WNK1: variants seen among roughly 807,000 people sequenced by gnomAD.
WNK1 encodes the protein serine/threonine-protein kinase WNK1.
WNK1 carries 38 observed loss-of-function variants against 222.8 expected under a neutral mutation model. The ratio of observed to expected loss-of-function variants is 0.17; its 90% CI spans 0.13 to 0.22. WNK1 has a LOEUF of 0.22. Among genes scored for constraint, WNK1 ranks in the 10% least tolerant of loss-of-function variants. The probability of loss-of-function intolerance (pLI) is 1.00; values close to 1 mark genes in which losing one functional copy is unlikely to be tolerated. For synonymous variants in WNK1, 1,090 were observed against 1,092.9 expected (o/e 1.00, Z 0.05); for missense variants, 2,348 against 2,918.4 (o/e 0.80, Z 4.50).
At chr12:835,967 T>A (rs939903775) in intron 4 of WNK1, among the ~76,000 whole-genome samples, 1 of 151,442 alleles carries the variant, frequency 6.6e-6, no homozygotes, top group Admixed American at 6.6e-5. Context: ...AAAAAAAAAT[T>A]GATAACTCTA....
In WNK1 at chr12:906,214, A is replaced by G. The variant is rs1329761440; in HGVS notation, c.6644-1633A>G. 3 of 752,984 alleles carry G rather than the reference A, an allele frequency of 4.0e-6. No individual in the cohort carries two copies. In the African/African-American group the frequency reaches 5.7e-5, roughly 14 times the overall value. The allele number at this position is 752,984 out of a possible 1,614,324, so 46.6% of individuals were successfully genotyped here. A position where few individuals can be genotyped will look rare whatever the true frequency, so the allele number is the denominator to read the frequency against. ...CTTTAGGAGCTTTTATTTATTCTGT[A>G]ACACGTGAGATCTGGTAAGACAGTG... On this transcript the variant is annotated intron_variant, in intron 26 of 27. Coordinates refer to ENST00000315939, the MANE Select transcript of WNK1 (RefSeq NM_018979.4).
intron 21 of WNK1, 113 bp downstream of exon 21, chr12:889,336 C>A: frequency 4.4e-6 from 4 of 911,246 alleles, no homozygotes; most frequent in Non-Finnish European, 7.2e-6. Flanking sequence ...ATTCAGAGTT[C>A]CTGCTTATTC....
At chr12:800,135 C>T (rs1945731704) in intron 1 of WNK1, among the ~76,000 whole-genome samples, 1 of 151,976 alleles carries the variant, frequency 6.6e-6, no homozygotes, top group Non-Finnish European at 1.5e-5. Flanking sequence ...CAGAGTAAGA[C>T]CCTCTGTCAA....
intron 26 of WNK1, 132 bp from the exon 27 acceptor site, chr12:907,715 C>T (rs1592277895): frequency 2.7e-6 from 3 of 1,122,216 alleles, no homozygotes; most frequent in Non-Finnish European, 4.1e-6. Flanking sequence ...GGAATCTTCC[C>T]TCTTGCATGG....
At chr12:754,624 G>C (rs1331600882) in intron 1 of WNK1, among the ~76,000 whole-genome samples, 1 of 152,146 alleles carries the variant, frequency 6.6e-6, no homozygotes, top group Non-Finnish European at 1.5e-5. Context: ...TGGAATGAGT[G>C]GGGAAGTTGA....
At chr12:794,448 T>C (rs1297107664) in intron 1 of WNK1, among the ~76,000 whole-genome samples, 1 of 152,148 alleles carries the variant, frequency 6.6e-6, no homozygotes, top group Non-Finnish European at 1.5e-5. Flanking sequence ...GCTGTGGGGT[T>C]TTCCTAGATG....
intron 22 of WNK1, 92 bp downstream of exon 22, chr12:890,605 CG>C: frequency 7.6e-7 from 1 of 1,323,846 alleles, no homozygotes; most frequent in Admixed American, 1.8e-5. Flanking sequence ...CACATTTCCA[CG>C]TATTTGATAA....
chr12:849,704 C>A (rs1345497706), intron 4 of WNK1, among the ~76,000 whole-genome samples: 1 of 152,074 alleles, frequency 6.6e-6, no homozygotes, highest in Non-Finnish European at 1.5e-5. Context: ...TCTCCTAATG[C>A]TATCCCTCCC....
At chr12:883,954 G>A (rs1395286713) in intron 17 of WNK1, 123 bp downstream of exon 17, 6 of 1,482,030 alleles carry the variant, frequency 4.0e-6, no homozygotes, top group Non-Finnish European at 5.6e-6. Flanking sequence ...CTTGAACCCA[G>A]GAGGCGGAGG....
chr12:868,454 C>T lies in WNK1; in HGVS notation c.2140-2811C>T, dbSNP rs1951866790. On this transcript the variant is annotated intron_variant, in intron 8 of 27. Coordinates refer to ENST00000315939, the MANE Select transcript of WNK1 (RefSeq NM_018979.4). ...ATCTGGACAGGCTTTCCTGGTAGGA[C>T]ACCTTCAGAATCTAAGATTAGATTC... is the stretch of plus-strand genomic sequence containing the variant. The T allele has an allele frequency of 6.2e-7, 1 of 1,613,828 alleles. No individual in the cohort carries two copies. The highest frequency in any genetic ancestry group is 8.5e-7 in the Non-Finnish European group (1 of 1,179,864).
intron 26 of WNK1, chr12:906,424 T>A (rs1955704097): frequency 1.0e-6 from 1 of 985,282 alleles, no homozygotes; most frequent in East Asian, 1.1e-4. Context: ...CCTCCTCCCC[T>A]TTGCACCCTG....
At chr12:842,364 A>G (rs923656665) in intron 4 of WNK1, among the ~76,000 whole-genome samples, 3 of 152,232 alleles carry the variant, frequency 2.0e-5, no homozygotes, top group South Asian at 2.1e-4. Context: ...GCAGAAAACA[A>G]TAATAGGTAG....
chr12:896,320 C>A lies in WNK1; in HGVS notation c.5833C>A (p.Arg1945Ser), dbSNP rs117016551. 6.2e-7 allele frequency: 1 copy of A among 1,614,162 alleles called. No individual in the cohort carries two copies. The highest frequency in any genetic ancestry group is 8.5e-7 in the Non-Finnish European group (1 of 1,180,028). ...CACTGGGCAGCCTACCAAGGTTGGA[C>A]GTTTTCAGGTGACAACTACAGCAAA... ...SDTGQPTKVG[R>S]FQVTTTANKV... Residue 1945 changes from arginine to serine, a missense_variant, in exon 24 of 28, where the codon CGT (arginine) becomes AGT (serine). This residue lies in a region of WNK1 where 1,144 missense variants were observed against 1,273.6 expected (regional missense o/e 0.90). Transcript: ENST00000315939.
intron 2 of WNK1, among the ~76,000 whole-genome samples, chr12:820,285 T>G (rs749840537): frequency 2.2e-4 from 34 of 152,200 alleles, no homozygotes; most frequent in Admixed American, 1.2e-3. Flanking sequence ...CATCCTTGGT[T>G]AAATTTATTC....
At position 859,278 on chromosome 12, in the gene WNK1, C is replaced by T. The variant is rs61736906; in HGVS notation, c.1434C>T (p.Phe478=). 106 of 1,613,608 alleles carry T rather than the reference C, an allele frequency of 6.6e-5. No individual in the cohort carries two copies. Among genetic ancestry groups the T allele is most frequent in the Admixed American group, 5.0e-5 (3 of 59,984 alleles). The change falls in exon 6 of 28, where the codon TTC becomes TTT. Residue 478 remains phenylalanine, a synonymous_variant. Transcript: ENST00000315939. ...TCAAAGACCTTTTGAACCATGCCTT[C>T]TTCCAAGAGGAAACAGGAGTACGGG... ...YSIKDLLNHA[F]FQEETGVRVE...
chr12:785,640 A>G lies in WNK1; in HGVS notation c.760-28002A>G, dbSNP rs551137198. 2.2e-4 allele frequency among the ~76,000 whole-genome samples: 34 copies of G among 151,670 alleles called. No individual in the cohort carries two copies. In the South Asian group the frequency reaches 5.4e-3, roughly 24 times the overall value. On this transcript the variant is annotated intron_variant, in intron 1 of 27. Transcript: ENST00000315939. ...TCTGGATCTCCTGACCTCGTGATCC[A>G]CCCGCCTCAGCCTCCCAAAGTGCTG...
At chr12:883,125 C>T in intron 15 of WNK1, 66 bp downstream of exon 15, 1 of 1,149,940 alleles carries the variant, frequency 8.7e-7, no homozygotes, top group Middle Eastern at 1.9e-4. Flanking sequence ...TTGCTCTAGG[C>T]AAATATGCCA....
At chr12:843,471 TACTG>T (rs1249200117) in intron 4 of WNK1, among the ~76,000 whole-genome samples, 1 of 152,204 alleles carries the variant, frequency 6.6e-6, no homozygotes, top group Non-Finnish European at 1.5e-5. Flanking sequence ...TTTAAAAACT[TACTG>T]AGAAGAGGGG....
intron 4 of WNK1, chr12:851,487 A>G (rs1950417049): frequency 4.4e-6 from 5 of 1,142,656 alleles, no homozygotes; most frequent in Non-Finnish European, 5.5e-6. Context: ...TTGGGCATGC[A>G]GTTTTGTCCA....
Sources: allele counts gnomAD v4.1 joint callset (sites outside exome capture counted in the v4.1 genomes callset), GRCh38; gene constraint gnomAD v4.1.1; regional missense constraint gnomAD v4.1.1; transcripts MANE v1.5; gene names NCBI Gene and HGNC (gene_info 2026-07-23, HGNC 2026-07-21).